The following TMEM39A variants were observed in gnomAD, a reference collection of about 807,000 sequenced individuals.
The protein encoded by TMEM39A is suppressor of SQST-1 aggregates in rpl-43 mutants.
TMEM39A carries 19 observed loss-of-function variants against 51.9 expected under a neutral mutation model. The ratio of observed to expected loss-of-function variants is 0.37; its 90% CI spans 0.26 to 0.54. The LOEUF (loss-of-function observed/expected upper bound fraction) is 0.54. Among genes scored for constraint, TMEM39A ranks in the 20% least tolerant of loss-of-function variants. TMEM39A has a pLI of 0.88. For synonymous variants in TMEM39A, 197 were observed against 220.2 expected, an observed-to-expected ratio of 0.89 and a Z score of 0.93; for missense variants, 433 against 590.5, an observed-to-expected ratio of 0.73 and a Z score of 2.76.
chr3:119,436,648 T>C lies in TMEM39A; in HGVS notation c.1112+143A>G, dbSNP rs1032993261. On this transcript the variant is annotated intron_variant, in intron 7 of 8. Transcript: ENST00000319172. ...GAGTTAATGTCCCTTGTATTCAGTT[T>C]AGCATGATGACAAGCATCCATGTAA... 9 of 871,742 alleles carry C rather than the reference T, an allele frequency of 1.0e-5. No homozygotes were observed. The East Asian group carries it at 1.7e-4, about 17-fold the overall frequency. 54.0% of individuals were successfully genotyped at this position (871,742 alleles called of 1,614,324 possible). A position where few individuals can be genotyped will look rare whatever the true frequency, so the allele number is the denominator to read the frequency against.
intron 4 of TMEM39A, among the ~76,000 whole-genome samples, chr3:119,450,591 G>A (rs1229708889): frequency 6.6e-6 from 1 of 152,110 alleles, no homozygotes; most frequent in Non-Finnish European, 1.5e-5. Context: ...GGAGGCCAAG[G>A]TGGGTGGATC....
At chr3:119,435,899 T>C in intron 7 of TMEM39A, 5 of 1,289,690 alleles carry the variant, frequency 3.9e-6, no homozygotes, top group Non-Finnish European at 5.1e-6. Flanking sequence ...CCTGGCCCAA[T>C]CTCTTTCAGT....
intron 1 of TMEM39A, 103 bp from the exon 2 acceptor site, chr3:119,462,251 T>C: frequency 1.8e-6 from 1 of 565,316 alleles, no homozygotes; most frequent in South Asian, 2.1e-5. Context: ...AATAAGATTT[T>C]CAAACGAATG....
chr3:119,441,315 C>T (rs1049575966), intron 5 of TMEM39A, among the ~76,000 whole-genome samples: 1 of 152,104 alleles, frequency 6.6e-6, no homozygotes, highest in African/African-American at 2.4e-5. Flanking sequence ...ATTAGCTAGC[C>T]GAATTGTAAA....
intron 4 of TMEM39A, 79 bp from the exon 5 acceptor site, chr3:119,447,251 A>G: frequency 6.8e-7 from 1 of 1,481,174 alleles, no homozygotes; most frequent in East Asian, 2.3e-5. Flanking sequence ...TAAGAACTTA[A>G]TAGGTTTAGT....
rs544654929 is a variant in TMEM39A at position 119,442,940 on chromosome 3, C to T, written c.575+4078G>A. ...AATTAGCCGGGTGTGGTGGCACACA[C>T]CTGTAGTCCCAGCTACTTGAGAGGC... On this transcript the variant is annotated intron_variant, in intron 5 of 8. Coordinates refer to ENST00000319172, the MANE Select transcript of TMEM39A (RefSeq NM_018266.3). 3.3e-5 allele frequency among the ~76,000 whole-genome samples: 5 copies of T among 152,024 alleles called. No individual in the cohort carries two copies. The South Asian group carries it at 1.0e-3, about 32-fold the overall frequency.
At chr3:119,445,761 C>T (rs1370251825) in intron 5 of TMEM39A, among the ~76,000 whole-genome samples, 2 of 152,168 alleles carry the variant, frequency 1.3e-5, no homozygotes, top group East Asian at 3.8e-4. Context: ...AAGTATTACA[C>T]AGTTATAGTA....
Position 119,458,253 on chromosome 3 carries a change from A to G in TMEM39A, c.114-13T>C. 6.2e-7 allele frequency: 1 copy of G among 1,610,784 alleles called. No homozygotes were observed. Among genetic ancestry groups the G allele is most frequent in the Non-Finnish European group, 8.5e-7 (1 of 1,177,454 alleles). On this transcript the variant is annotated splice_polypyrimidine_tract_variant and intron_variant, in intron 2 of 8. Transcript: ENST00000319172. Reference sequence around the variant, plus strand: ...AGCACTACCATTCCTGAAAGAGAAAACTATGGTTAACTCAAATGGTGATAA... The same window carrying G: ...AGCACTACCATTCCTGAAAGAGAAAGCTATGGTTAACTCAAATGGTGATAA...
Position 119,446,783 on chromosome 3 carries a change from C to A in TMEM39A, c.575+235G>T, listed in dbSNP as rs200521709. The A allele has an allele frequency of 7.1e-5, 31 of 439,386 alleles. No individual in the cohort carries two copies. The East Asian group carries it at 1.2e-3, about 17-fold the overall frequency. 27.2% of individuals were successfully genotyped at this position (439,386 alleles called of 1,614,324 possible). On this transcript the variant is annotated intron_variant, in intron 5 of 8. Coordinates refer to ENST00000319172, the MANE Select transcript of TMEM39A (RefSeq NM_018266.3). Reference sequence around the variant, plus strand: ...AGACAATTAAAATATTCTCCACTGGCAACACACCCTACATTCCAGGTTTCC... The same window carrying A: ...AGACAATTAAAATATTCTCCACTGGAAACACACCCTACATTCCAGGTTTCC...
chr3:119,457,808 C>T (rs140483379), intron 3 of TMEM39A, among the ~76,000 whole-genome samples: 214 of 152,254 alleles, frequency 1.4e-3, no homozygotes, highest in African/African-American at 4.9e-3. Flanking sequence ...ATGTTTTCTG[C>T]ATTTTCATTT....
intron 5 of TMEM39A, among the ~76,000 whole-genome samples, chr3:119,440,141 A>G (rs1309520278): frequency 1.2e-4 from 17 of 147,400 alleles, no homozygotes; most frequent in Non-Finnish European, 2.5e-4. Flanking sequence ...TCAGAAGTTC[A>G]ATGCTGCCAA....
intron 5 of TMEM39A, among the ~76,000 whole-genome samples, chr3:119,445,593 A>G (rs2081114416): frequency 6.6e-6 from 1 of 152,190 alleles, no homozygotes; most frequent in Non-Finnish European, 1.5e-5. Flanking sequence ...ATTTAACCTC[A>G]AAAGAAAAAA....
intron 3 of TMEM39A, among the ~76,000 whole-genome samples, chr3:119,454,860 T>C (rs896939799): frequency 5.3e-5 from 8 of 152,206 alleles, no homozygotes; most frequent in African/African-American, 1.7e-4. Context: ...ACCAAATCAA[T>C]GAAAATGGTA....
chr3:119,447,201 A>G lies in TMEM39A; in HGVS notation c.421-29T>C, dbSNP rs150637181. 134 of 1,600,978 alleles carry G rather than the reference A, an allele frequency of 8.4e-5. No homozygotes were observed. In the East Asian group the frequency reaches 2.7e-3, roughly 33 times the overall value. On this transcript the variant is annotated intron_variant, in intron 4 of 8. Coordinates refer to ENST00000319172, the MANE Select transcript of TMEM39A (RefSeq NM_018266.3). ...AAAGTTTGGAAGCACCAAAATGAAC[A>G]TTTTGTAAATGATCTTCTTCAAAAG...
chr3:119,436,970 C>T lies in TMEM39A; in HGVS notation c.933G>A (p.Gln311=). The part of the protein sequence containing the change: ...FLPLCFVKST[Q]YYDMRWSCEH... ...CACATGACCAGCGCATGTCATAGTACTGGGTACTCTGGAAGAGATCAGAAG... is the reference window on the plus strand; with the variant it reads ...CACATGACCAGCGCATGTCATAGTATTGGGTACTCTGGAAGAGATCAGAAG... Residue 311 remains glutamine (Q), a synonymous_variant, in exon 7 of 9, where the codon CAG becomes CAA. Transcript: ENST00000319172. 6.2e-7 allele frequency: 1 copy of T among 1,612,046 alleles called. No individual in the cohort carries two copies. Among genetic ancestry groups the T allele is most frequent in the Non-Finnish European group, 8.5e-7 (1 of 1,178,420 alleles).
intron 7 of TMEM39A, chr3:119,436,568 G>A (rs1446075723): frequency 2.1e-6 from 1 of 467,710 alleles, no homozygotes; most frequent in Non-Finnish European, 3.9e-6. Context: ...ACACTAGAGT[G>A]ACTGGGCAGC....
intron 3 of TMEM39A, among the ~76,000 whole-genome samples, chr3:119,455,140 T>C (rs1303337705): frequency 1.3e-5 from 2 of 152,204 alleles, no homozygotes; most frequent in Non-Finnish European, 2.9e-5. Context: ...ACACTCATAA[T>C]AGAAGAAAAC....
At chr3:119,439,254 C>T (rs935127508) in intron 5 of TMEM39A, among the ~76,000 whole-genome samples, 6 of 152,072 alleles carry the variant, frequency 3.9e-5, no homozygotes, top group Non-Finnish European at 7.4e-5. Context: ...TCATTTCATG[C>T]ACATAAATTC....
Position 119,432,050 on chromosome 3 carries a change from G to A in TMEM39A, c.1398C>T (p.Leu466=). ...CCCTGCCTAATACTATTCTGTCCCG[G>A]AGAAGTTTAAATAAAACATAGTAGT... The part of the protein sequence containing the change: ...FCNYYVLFKL[L]RDRIVLGRAY... Residue 466 remains leucine (L), a synonymous_variant, in exon 9 of 9, where the codon CTC becomes CTT. Coordinates refer to ENST00000319172, the MANE Select transcript of TMEM39A (RefSeq NM_018266.3). The A allele has an allele frequency of 6.2e-7, 1 of 1,613,136 alleles. No individual in the cohort carries two copies. Among genetic ancestry groups the A allele is most frequent in the Non-Finnish European group, 8.5e-7 (1 of 1,179,416 alleles).
Sources: gnomAD v4.1 joint callset for allele counts (sites outside exome capture counted in the v4.1 genomes callset) on GRCh38, gnomAD v4.1.1 for gene constraint, MANE v1.5 for transcripts, NCBI Gene and HGNC (gene_info 2026-07-23, HGNC 2026-07-21) for gene names.